Variants in JADE1 observed in about 807,000 individuals in gnomAD.
The protein encoded by JADE1 is protein Jade-1.
JADE1 carries 14 observed loss-of-function variants against 81.8 expected under a neutral mutation model. The ratio of observed to expected loss-of-function variants is 0.17; its 90% CI spans 0.11 to 0.27. JADE1 has a LOEUF of 0.27. Ranked by LOEUF, JADE1 falls within the 10% of genes least tolerant of loss-of-function variation. The pLI is 1.00. For missense variants in JADE1, 690 were observed against 1,047.9 expected (o/e 0.66, Z 4.71); for synonymous variants, 353 against 391.9 (o/e 0.90, Z 1.17).
intron 9 of JADE1, chr4:128,864,261 C>T (rs1731612393): frequency 9.9e-6 from 5 of 505,018 alleles, no homozygotes; most frequent in Non-Finnish European, 1.3e-5. Context: ...GATTCTCCTG[C>T]CTCGGTCTCA....
intron 1 of JADE1, among the ~76,000 whole-genome samples, chr4:128,815,093 A>G (rs1579085639): frequency 9.4e-6 from 1 of 106,756 alleles, no homozygotes. Flanking sequence ...TCTGTCACCC[A>G]GGCTGGAGTG....
At chr4:128,833,850 G>A (rs1038507055) in intron 2 of JADE1, among the ~76,000 whole-genome samples, 2 of 152,134 alleles carry the variant, frequency 1.3e-5, no homozygotes, top group South Asian at 2.1e-4. Context: ...GTCTGCTCTC[G>A]TCACTGCCTC....
chr4:128,828,497 AACCCCC>A (rs1728256258), intron 1 of JADE1, among the ~76,000 whole-genome samples: 1 of 152,234 alleles, frequency 6.6e-6, no homozygotes, highest in Admixed American at 6.5e-5. Flanking sequence ...GCTGAGCACT[AACCCCC>A]ATACTGTGCC....
intron 2 of JADE1, among the ~76,000 whole-genome samples, chr4:128,838,959 T>C (rs1451588886): frequency 6.6e-6 from 1 of 152,180 alleles, no homozygotes; most frequent in Admixed American, 6.5e-5. Flanking sequence ...TATTGCTTTA[T>C]TTTCCTTGAG....
At chr4:128,820,391 C>T (rs368211316) in intron 1 of JADE1, among the ~76,000 whole-genome samples, 3 of 152,226 alleles carry the variant, frequency 2.0e-5, no homozygotes, top group South Asian at 2.1e-4. Context: ...GGATTACAGG[C>T]GTGAGCCACC....
Position 128,872,449 on chromosome 4 carries a change from A to C in JADE1, c.*187A>C. The stretch of plus-strand genomic sequence containing the variant: ...TTTGTGAGAAGTTTGTGTTATTTGC[A>C]ACTTGTTGAGGAAACAGAAGAGTAG... On this transcript the variant is annotated 3_prime_UTR_variant, in exon 11 of 11. Coordinates refer to ENST00000226319, the MANE Select transcript of JADE1 (RefSeq NM_199320.4). The C allele has an allele frequency of 1.7e-6, 1 of 591,030 alleles. No individual in the cohort carries two copies. The allele number at this position is 591,030 out of a possible 1,614,324, so 36.6% of individuals were successfully genotyped here. A position where few individuals can be genotyped will look rare whatever the true frequency, so the allele number is the denominator to read the frequency against.
chr4:128,851,979 TA>T, intron 5 of JADE1, 77 bp from the exon 6 acceptor site: 1 of 858,356 alleles, frequency 1.2e-6, no homozygotes, highest in Non-Finnish European at 1.8e-6. Context: ...TTTTTAAGTA[TA>T]AATAAACCAG....
At chr4:128,831,919 A>G in intron 2 of JADE1, 109 bp downstream of exon 2, 1 of 1,000,148 alleles carries the variant, frequency 1.0e-6, no homozygotes, top group South Asian at 1.3e-5. Flanking sequence ...CATGTCAGGC[A>G]GGTCAGAGAA....
intron 3 of JADE1, among the ~76,000 whole-genome samples, chr4:128,844,563 T>G (rs747502816): frequency 7.2e-5 from 11 of 152,184 alleles, no homozygotes; most frequent in Admixed American, 5.9e-4. Context: ...TTTATTTATA[T>G]CAGTTAGTTG....
At chr4:128,830,874 C>T (rs572386948) in intron 1 of JADE1, among the ~76,000 whole-genome samples, 2 of 152,318 alleles carry the variant, frequency 1.3e-5, no homozygotes, top group Non-Finnish European at 2.9e-5. Flanking sequence ...CTTTCTCATA[C>T]TTGAGGGTAG....
intron 1 of JADE1, among the ~76,000 whole-genome samples, chr4:128,820,792 G>GA (rs1230312908): frequency 2.0e-5 from 3 of 152,156 alleles, no homozygotes; most frequent in African/African-American, 7.2e-5. Flanking sequence ...CAAAGTTCCT[G>GA]AAAAACAGCT....
At chr4:128,812,380 C>A (rs965951713) in intron 1 of JADE1, among the ~76,000 whole-genome samples, 58 of 151,710 alleles carry the variant, frequency 3.8e-4, no homozygotes, top group Non-Finnish European at 7.4e-4. Context: ...CCCCGGCGGG[C>A]GGCGGGAGCC....
At chr4:128,838,783 C>T (rs1030465305) in intron 2 of JADE1, among the ~76,000 whole-genome samples, 5 of 152,032 alleles carry the variant, frequency 3.3e-5, no homozygotes, top group Admixed American at 2.0e-4. Flanking sequence ...TCCTGACCTC[C>T]TGGGAATGTC....
chr4:128,830,744 G>T (rs892012586), intron 1 of JADE1, among the ~76,000 whole-genome samples: 4 of 152,154 alleles, frequency 2.6e-5, no homozygotes, highest in African/African-American at 9.7e-5. Flanking sequence ...TTTTAATTTG[G>T]AAAAGCTTTT....
chr4:128,813,602 T>C, intron 1 of JADE1, among the ~76,000 whole-genome samples: 1 of 151,896 alleles, frequency 6.6e-6, no homozygotes. Flanking sequence ...TTTGTATTTT[T>C]AGTAGAGACG....
At chr4:128,832,320 A>G (rs555680657) in intron 2 of JADE1, among the ~76,000 whole-genome samples, 3 of 152,334 alleles carry the variant, frequency 2.0e-5, no homozygotes, top group East Asian at 3.9e-4. Flanking sequence ...GCTCTCTGGC[A>G]ACTTCATATT....
chr4:128,819,209 T>A (rs760978525), intron 1 of JADE1, among the ~76,000 whole-genome samples: 1 of 151,998 alleles, frequency 6.6e-6, no homozygotes, highest in Non-Finnish European at 1.5e-5. Context: ...TTGGAGGTAG[T>A]TGGCTACGCT....
rs1455171238 is a variant in JADE1, at chr4:128,871,707, A to T, written c.1974A>T (p.Lys658Asn). 1.9e-6 allele frequency: 3 copies of T among 1,614,196 alleles called. No homozygotes were observed. Among genetic ancestry groups the T allele is most frequent in the Admixed American group, 1.7e-5 (1 of 60,026 alleles). ...GTGTGGTGATGCCAGACCATGGGAAAAGAAGAGACAATCGTTTTCATTGTG... is the reference window on the plus strand; with the variant it reads ...GTGTGGTGATGCCAGACCATGGGAATAGAAGAGACAATCGTTTTCATTGTG... ...KNGVVMPDHG[K>N]RRDNRFHCDL... Residue 658 changes from lysine (K) to asparagine (N), a missense_variant, in exon 11 of 11, where the codon AAA becomes AAT. Coordinates refer to ENST00000226319, the MANE Select transcript of JADE1 (RefSeq NM_199320.4). This position sits in a 1 kb window ranked among gnomAD's most constrained non-coding sequence, Gnocchi z 4.1.
chr4:128,851,128 G>A (rs1260985914), intron 5 of JADE1, among the ~76,000 whole-genome samples: 2 of 152,076 alleles, frequency 1.3e-5, no homozygotes, highest in Non-Finnish European at 2.9e-5. Context: ...ACAGGATTTC[G>A]CCGTATTGGC....
Sources: gnomAD v4.1 joint callset for allele counts (sites outside exome capture counted in the v4.1 genomes callset) on GRCh38, gnomAD v4.1.1 for gene constraint, Gnocchi (gnomAD v3.1) non-coding constraint, MANE v1.5 for transcripts, NCBI Gene and HGNC (gene_info 2026-07-23, HGNC 2026-07-21) for gene names.